The following KIAA0825 variants were observed in gnomAD, a reference collection of about 807,000 sequenced individuals.
KIAA0825 encodes the protein uncharacterized protein KIAA0825.
In KIAA0825, 119 loss-of-function variants were observed where a neutral mutation model predicts 147.6. The ratio of observed to expected loss-of-function variants is 0.81; its 90% CI spans 0.69 to 0.94. The LOEUF (loss-of-function observed/expected upper bound fraction) is 0.94, where lower values mean the gene tolerates loss of function less well. KIAA0825 is among the 40% of genes least tolerant of loss of function. The pLI is 0.00. For missense variants in KIAA0825, 1,381 were observed against 1,472.7 expected (o/e 0.94, Z 1.02); for synonymous variants, 470 against 518.1 (o/e 0.91, Z 1.26).
intron 14 of KIAA0825, among the ~76,000 whole-genome samples, chr5:94,427,349 C>T (rs1755024902): frequency 6.6e-6 from 1 of 152,036 alleles, no homozygotes; most frequent in Non-Finnish European, 1.5e-5. Context: ...GCCTGGGCAA[C>T]ATAGCAAGAT....
chr5:94,369,222 G>C (rs965961151), intron 20 of KIAA0825, among the ~76,000 whole-genome samples: 2 of 152,094 alleles, frequency 1.3e-5, no homozygotes, highest in Admixed American at 1.3e-4. Flanking sequence ...ATCTAGAGCT[G>C]TTGTGTGGAA....
chr5:94,451,548 A>G (rs1346926712), intron 13 of KIAA0825, among the ~76,000 whole-genome samples: 6 of 152,210 alleles, frequency 3.9e-5, no homozygotes, highest in African/African-American at 1.4e-4. Flanking sequence ...TAGGATAATA[A>G]TGGAGATTGA....
At chr5:94,159,975 C>T (rs1178565539) in intron 20 of KIAA0825, among the ~76,000 whole-genome samples, 2 of 152,092 alleles carry the variant, frequency 1.3e-5, no homozygotes, top group African/African-American at 4.8e-5. Context: ...TCAAATTGTT[C>T]TACCAATATA....
intron 5 of KIAA0825, among the ~76,000 whole-genome samples, chr5:94,493,076 G>A (rs1428016491): frequency 6.6e-6 from 1 of 152,196 alleles, no homozygotes; most frequent in Non-Finnish European, 1.5e-5. Context: ...TCAGGCCTTA[G>A]AGTTCTCCTG....
At chr5:94,277,444 C>T (rs746130864) in intron 20 of KIAA0825, among the ~76,000 whole-genome samples, 18 of 152,010 alleles carry the variant, frequency 1.2e-4, no homozygotes, top group Non-Finnish European at 1.2e-4. Context: ...AAAAAGTAGG[C>T]AAAGGATATG....
intron 12 of KIAA0825, among the ~76,000 whole-genome samples, chr5:94,459,576 T>C (rs953140242): frequency 6.6e-6 from 1 of 152,098 alleles, no homozygotes; most frequent in African/African-American, 2.4e-5. Context: ...AAACAGAGCA[T>C]TGGAATTTGG....
chr5:94,378,183 G>C (rs1235965254), intron 20 of KIAA0825, among the ~76,000 whole-genome samples: 3 of 152,128 alleles, frequency 2.0e-5, no homozygotes, highest in Non-Finnish European at 2.9e-5. Context: ...CAGGAGTTTG[G>C]TGTACAGATT....
At chr5:94,538,616 A>G (rs1189224641) in intron 2 of KIAA0825, among the ~76,000 whole-genome samples, 3 of 152,224 alleles carry the variant, frequency 2.0e-5, no homozygotes, top group African/African-American at 7.2e-5. Flanking sequence ...TTGATTCTCC[A>G]CTTTCATGCT....
At chr5:94,388,666 T>C (rs1217606810) in intron 18 of KIAA0825, among the ~76,000 whole-genome samples, 9 of 152,248 alleles carry the variant, frequency 5.9e-5, no homozygotes. Flanking sequence ...AACTGTTCTG[T>C]TGCAAATTGT....
At chr5:94,608,842 G>T (rs1185651319) in intron 1 of KIAA0825, among the ~76,000 whole-genome samples, 2 of 151,924 alleles carry the variant, frequency 1.3e-5, no homozygotes, top group East Asian at 3.9e-4. Context: ...GTCTCCTGAT[G>T]AGACTACTGG....
intron 13 of KIAA0825, among the ~76,000 whole-genome samples, chr5:94,450,623 T>A (rs1562508975): frequency 6.6e-6 from 1 of 151,850 alleles, no homozygotes; most frequent in African/African-American, 2.4e-5. Context: ...CTAATCCATT[T>A]AAGATGGAAA....
chr5:94,574,270 C>T (rs973336055), intron 2 of KIAA0825, among the ~76,000 whole-genome samples: 1 of 151,986 alleles, frequency 6.6e-6, no homozygotes, highest in East Asian at 1.9e-4. Flanking sequence ...GATGGCCGGG[C>T]GTGGTGGCTC....
At chr5:94,233,045 T>G (rs1374274468) in intron 20 of KIAA0825, among the ~76,000 whole-genome samples, 1 of 152,198 alleles carries the variant, frequency 6.6e-6, no homozygotes, top group African/African-American at 2.4e-5. Flanking sequence ...AAATTATACA[T>G]TTTTTAGTAC....
chr5:94,169,080 C>A (rs1275753802), intron 20 of KIAA0825, among the ~76,000 whole-genome samples: 1 of 152,104 alleles, frequency 6.6e-6, no homozygotes, highest in Non-Finnish European at 1.5e-5. Context: ...ATTGTTTAGA[C>A]AACACAGTTG....
At chr5:94,363,645 G>A (rs1164921183) in intron 20 of KIAA0825, among the ~76,000 whole-genome samples, 9 of 152,138 alleles carry the variant, frequency 5.9e-5, no homozygotes, top group Admixed American at 5.9e-4. Context: ...CAGTGCTTAG[G>A]GAGGCTGAGG....
chr5:94,460,921 C>G (rs1759738721), intron 12 of KIAA0825, among the ~76,000 whole-genome samples: 1 of 151,890 alleles, frequency 6.6e-6, no homozygotes, highest in South Asian at 2.1e-4. Flanking sequence ...GATTTTTGTT[C>G]ATGCTTCAAA....
At chr5:94,277,796 T>C (rs1211951625) in intron 20 of KIAA0825, among the ~76,000 whole-genome samples, 2 of 152,188 alleles carry the variant, frequency 1.3e-5, no homozygotes, top group Non-Finnish European at 2.9e-5. Flanking sequence ...ATCATGCTAC[T>C]ATAAAGACAC....
At chr5:94,503,935 G>A (rs542396253) in intron 5 of KIAA0825, among the ~76,000 whole-genome samples, 8 of 152,290 alleles carry the variant, frequency 5.3e-5, no homozygotes, top group African/African-American at 1.9e-4. Context: ...GGCACTGAAA[G>A]AGCATGCTGC....
At chr5:94,300,222 T>C (rs1490089139) in intron 20 of KIAA0825, among the ~76,000 whole-genome samples, 1 of 152,118 alleles carries the variant, frequency 6.6e-6, no homozygotes, top group Non-Finnish European at 1.5e-5. Context: ...ATAATCCCTG[T>C]CTTCTTCTGT....
Sources: gnomAD v4.1 joint callset for allele counts (sites outside exome capture counted in the v4.1 genomes callset) on GRCh38, gnomAD v4.1.1 for gene constraint, MANE v1.5 for transcripts, NCBI Gene and HGNC (gene_info 2026-07-23, HGNC 2026-07-21) for gene names.